MEGF10: variants seen among roughly 807,000 people sequenced by gnomAD.
MEGF10 encodes multiple epidermal growth factor-like domains protein 10.
MEGF10 carries 86 observed loss-of-function variants against 147.5 expected under a neutral mutation model. The ratio of observed to expected loss-of-function variants is 0.58; its 90% confidence interval spans 0.49 to 0.70. MEGF10 has a LOEUF of 0.70. Ranked by LOEUF, MEGF10 falls within the 30% of genes least tolerant of loss-of-function variation. MEGF10 has a pLI of 0.00. For synonymous variants in MEGF10, 478 were observed against 525.5 expected, an observed-to-expected ratio of 0.91 and a Z score of 1.24; for missense variants, 1,329 against 1,487.3, an observed-to-expected ratio of 0.89 and a Z score of 1.75.
chr5:127,418,126 T>G (rs1020686800), intron 10 of MEGF10, among the ~76,000 whole-genome samples: 1 of 152,244 alleles, frequency 6.6e-6, no homozygotes, highest in African/African-American at 2.4e-5. Flanking sequence ...GAAGTTACTT[T>G]TCCAAGTAGA....
chr5:127,419,632 G>A (rs892681826), intron 11 of MEGF10, among the ~76,000 whole-genome samples: 2 of 152,138 alleles, frequency 1.3e-5, no homozygotes, highest in Non-Finnish European at 2.9e-5. Context: ...CACAGTTGCT[G>A]GTTAATGGGG....
chr5:127,404,235 C>CAT (rs1471706132), intron 8 of MEGF10, among the ~76,000 whole-genome samples: 13 of 151,964 alleles, frequency 8.6e-5, no homozygotes, highest in Admixed American at 6.5e-4. Context: ...AGCACCTTTT[C>CAT]ATATGCCTGT....
chr5:127,402,719 A>G, intron 8 of MEGF10, 37 bp downstream of exon 8: 1 of 1,608,206 alleles, frequency 6.2e-7, no homozygotes, highest in Non-Finnish European at 8.5e-7. Context: ...ACTGTTTATA[A>G]TGATGTGAAA....
rs76043022 is a variant in MEGF10, at chr5:127,354,278, A to G, written c.319+13648A>G. ...AAAAACACCTGCAGTTCACTAACCC[A>G]GGACTCTTTTCCTTCCAGGAGGCAG... On this transcript the variant is annotated intron_variant, in intron 4 of 24. Transcript: ENST00000503335. Among the ~76,000 whole-genome samples the G allele has an allele frequency of 1.6e-3, 239 of 152,352 alleles. 4 individuals are homozygous for G. The East Asian group carries it at 0.034, about 21-fold the overall frequency.
At chr5:127,289,777 T>C (rs991520203), upstream of MEGF10, among the ~76,000 whole-genome samples, 2 of 152,210 alleles carry the variant, frequency 1.3e-5, no homozygotes, top group Non-Finnish European at 2.9e-5. Flanking sequence ...GAAGTCTCTC[T>C]AAAAAGAAAG....
At chr5:127,259,723 G>A in the MEGF10 span, among the ~76,000 whole-genome samples, 1 of 152,098 alleles carries the variant, frequency 6.6e-6, no homozygotes, top group African/African-American at 2.4e-5. Context: ...TGGGAAACTG[G>A]GAAGTTGTCT....
chr5:127,450,635 G>A (rs982544148), intron 22 of MEGF10, among the ~76,000 whole-genome samples: 3 of 152,006 alleles, frequency 2.0e-5, no homozygotes, highest in Admixed American at 2.0e-4. Context: ...ACATTTTTTT[G>A]TATAAACATA....
At chr5:127,347,315 A>G (rs1028541673) in intron 4 of MEGF10, among the ~76,000 whole-genome samples, 1 of 152,084 alleles carries the variant, frequency 6.6e-6, no homozygotes, top group Non-Finnish European at 1.5e-5. Context: ...TGCCTCTTAT[A>G]AAATTGCTAT....
intron 5 of MEGF10, among the ~76,000 whole-genome samples, chr5:127,374,716 G>A (rs1762964412): frequency 6.6e-6 from 1 of 151,970 alleles, no homozygotes; most frequent in Non-Finnish European, 1.5e-5. Flanking sequence ...GAAACAACTA[G>A]CATGTAAAAC....
At chr5:127,287,667 T>C (rs1208786042), upstream of MEGF10, among the ~76,000 whole-genome samples, 1 of 151,962 alleles carries the variant, frequency 6.6e-6, no homozygotes, top group African/African-American at 2.4e-5. Context: ...AATTGATCAA[T>C]GGATTCAAGG....
At chr5:127,421,039 C>G (rs1027606129) in intron 12 of MEGF10, among the ~76,000 whole-genome samples, 1 of 152,276 alleles carries the variant, frequency 6.6e-6, no homozygotes, top group Middle Eastern at 3.4e-3. Context: ...CAACCCACTT[C>G]CCAAAATAGA....
chr5:127,330,586 C>G (rs1474405144), intron 1 of MEGF10, among the ~76,000 whole-genome samples: 1 of 152,180 alleles, frequency 6.6e-6, no homozygotes, highest in African/African-American at 2.4e-5. Flanking sequence ...GACCTGCAAA[C>G]AGCTTTACAT....
chr5:127,445,197 G>A (rs1213875874), intron 19 of MEGF10: 2 of 463,964 alleles, frequency 4.3e-6, no homozygotes, highest in African/African-American at 3.9e-5. Context: ...CTCCTGAGTA[G>A]CTGGAACTCC....
chr5:127,435,391 G>A lies in MEGF10; in HGVS notation c.2006G>A (p.Cys669Tyr). 1.2e-6 allele frequency: 2 copies of A among 1,614,106 alleles called. No homozygotes were observed. Among genetic ancestry groups the A allele is most frequent in the Non-Finnish European group, 1.7e-6 (2 of 1,180,006 alleles). ...VCPSGRFGKN[C>Y]AGICTCTNNG... ...CCCAGTGGCAGATTTGGGAAAAACT[G>A]TGCAGGAATTTGTACCTGCACCAAC... The change falls in exon 16 of 25, where the codon TGT becomes TAT. Residue 669 changes from cysteine (C) to tyrosine (Y), a missense_variant. Cys to Tyr is a radical substitution (Grantham distance 194). This residue lies in a region of MEGF10 where 980 missense variants were observed against 1,085.9 expected (regional missense o/e 0.90). Coordinates refer to ENST00000503335, the MANE Select transcript of MEGF10 (RefSeq NM_001256545.2).
chr5:127,393,484 A>G (rs998423757), intron 5 of MEGF10, among the ~76,000 whole-genome samples: 3 of 152,226 alleles, frequency 2.0e-5, no homozygotes. Context: ...AAGTCACGGT[A>G]ATGTCTGAAT....
At chr5:127,297,406 T>C (rs1480569173) in intron 1 of MEGF10, among the ~76,000 whole-genome samples, 1 of 151,914 alleles carries the variant, frequency 6.6e-6, no homozygotes, top group Non-Finnish European at 1.5e-5. Flanking sequence ...ATGTAACCCA[T>C]AAATATATAC....
At chr5:127,325,464 A>G (rs1760976839) in intron 1 of MEGF10, among the ~76,000 whole-genome samples, 1 of 152,082 alleles carries the variant, frequency 6.6e-6, no homozygotes. Flanking sequence ...TGATGAGTGA[A>G]TTACCAGGGT....
chr5:127,324,940 A>G (rs544380150), intron 1 of MEGF10, among the ~76,000 whole-genome samples: 93 of 152,156 alleles, frequency 6.1e-4, no homozygotes, highest in Non-Finnish European at 1.1e-3. Context: ...CCTTTTATCC[A>G]GGTGTGATGC....
chr5:127,433,553 G>C, intron 14 of MEGF10, 44 bp downstream of exon 14: 1 of 1,553,806 alleles, frequency 6.4e-7, no homozygotes, highest in Non-Finnish European at 8.7e-7. Flanking sequence ...CCCTTCCCTG[G>C]GCACCATGTA....
Sources: gnomAD v4.1 joint callset for allele counts (sites outside exome capture counted in the v4.1 genomes callset) on GRCh38, gnomAD v4.1.1 for gene constraint, gnomAD v4.1.1 regional missense constraint, MANE v1.5 for transcripts, NCBI Gene and HGNC (gene_info 2026-07-23, HGNC 2026-07-21) for gene names.